The following SLC38A3 variants were observed in gnomAD, a reference collection of about 807,000 sequenced individuals.
The protein encoded by SLC38A3 is solute carrier family 38 member 3.
SLC38A3 carries 17 observed loss-of-function variants against 59.5 expected under a neutral mutation model. The observed-to-expected ratio is 0.29, with a 90% CI of 0.20 to 0.43. SLC38A3 has a LOEUF of 0.43. Among genes scored for constraint, SLC38A3 ranks in the 20% least tolerant of loss-of-function variants. SLC38A3 has a pLI of 1.00. For missense variants in SLC38A3, 454 were observed against 653.9 expected (o/e 0.69, Z 3.33); for synonymous variants, 238 against 260.3 (o/e 0.91, Z 0.82).
intron 1 of SLC38A3, among the ~76,000 whole-genome samples, chr3:50,213,192 T>C (rs1365892963): frequency 6.6e-6 from 1 of 152,140 alleles, no homozygotes; most frequent in Admixed American, 6.5e-5. Context: ...GAGACTGATC[T>C]GGTGACCCAG....
intron 1 of SLC38A3, among the ~76,000 whole-genome samples, chr3:50,208,873 A>G (rs186736917): frequency 1.3e-4 from 19 of 151,940 alleles, no homozygotes; most frequent in African/African-American, 4.6e-4. Flanking sequence ...GTCCCTGTCT[A>G]TCTCTCTTCC....
In SLC38A3 at chr3:50,215,676, C is replaced by G; in HGVS notation, c.466+40C>G. ...CAGGGGCAGGCAGTAGGGAGGTGGA[C>G]AGCCCTGAAAGCTGGCTGGTTGGGC... On this transcript the variant is annotated intron_variant, in intron 6 of 15. Coordinates refer to ENST00000614032, the MANE Select transcript of SLC38A3 (RefSeq NM_006841.6). The surrounding 1 kb of genome is among the most constrained non-coding windows in gnomAD (Gnocchi z 7.1). 6.2e-7 allele frequency: 1 copy of G among 1,611,282 alleles called. No individual in the cohort carries two copies. The highest frequency in any genetic ancestry group is 1.7e-4 in the Middle Eastern group (1 of 6,058).
At chr3:50,208,261 C>CT (rs11293008) in intron 1 of SLC38A3, among the ~76,000 whole-genome samples, 5,460 of 129,926 alleles carry the variant, frequency 0.042, 175 homozygotes, top group Non-Finnish European at 0.054. Context: ...AGCTTTCTCT[C>CT]TTTTTTTTTT....
In SLC38A3 at chr3:50,213,544, C is replaced by T. The variant is rs6779184; in HGVS notation, c.-51-605C>T. On this transcript the variant is annotated intron_variant, in intron 1 of 15. Coordinates refer to ENST00000614032, the MANE Select transcript of SLC38A3 (RefSeq NM_006841.6). ...GAGGGGGGACAGCCTCTGCGCCTGCCGTTCCCAGCGCCAGCTCTCAGCCCA... is the reference window on the plus strand; with the variant it reads ...GAGGGGGGACAGCCTCTGCGCCTGCTGTTCCCAGCGCCAGCTCTCAGCCCA... 4.0e-3 allele frequency among the ~76,000 whole-genome samples: 603 copies of T among 152,336 alleles called. 3 individuals are homozygous for T. The highest frequency in any genetic ancestry group is 0.014 in the African/African-American group (563 of 41,580).
Position 50,218,549 on chromosome 3 carries a change from C to A in SLC38A3, c.1037-44C>A. On this transcript the variant is annotated intron_variant, in intron 12 of 15. Coordinates refer to ENST00000614032, the MANE Select transcript of SLC38A3 (RefSeq NM_006841.6). This position sits in a 1 kb window ranked among gnomAD's most constrained non-coding sequence, Gnocchi z 5.8. Reference sequence around the variant, plus strand: ...CCCCTAGGCAGCTCAGATCCCACCTCCTTCCTGGGGCCACCTACTGACCAC... The same window carrying A: ...CCCCTAGGCAGCTCAGATCCCACCTACTTCCTGGGGCCACCTACTGACCAC... The A allele has an allele frequency of 6.3e-7, 1 of 1,599,998 alleles. No individual in the cohort carries two copies. Among genetic ancestry groups the A allele is most frequent in the Non-Finnish European group, 8.5e-7 (1 of 1,172,480 alleles).
chr3:50,215,167 A>T lies in SLC38A3; in HGVS notation c.300-219A>T, dbSNP rs1044904206. On this transcript the variant is annotated intron_variant, in intron 4 of 15. Coordinates refer to ENST00000614032, the MANE Select transcript of SLC38A3 (RefSeq NM_006841.6). This position sits in a 1 kb window ranked among gnomAD's most constrained non-coding sequence, Gnocchi z 7.1. ...GAGGGCAGTCACAGGGACACTCTTG[A>T]CCCAGAGGGCCCCTTCTGGGGTGTG... The T allele has an allele frequency of 3.4e-6, 2 of 590,084 alleles. No homozygotes were observed. The highest frequency in any genetic ancestry group is 6.0e-6 in the Non-Finnish European group (2 of 330,736). The allele number at this position is 590,084 out of a possible 1,614,324, so 36.6% of individuals were successfully genotyped here.
Position 50,217,312 on chromosome 3 carries a change from G to T in SLC38A3, c.623G>T (p.Arg208Leu). The change falls in exon 8 of 16, where the codon CGG (arginine) becomes CTG (leucine). Residue 208 changes from arginine to leucine, a missense_variant. Coordinates refer to ENST00000614032, the MANE Select transcript of SLC38A3 (RefSeq NM_006841.6). The surrounding 1 kb of genome is among the most constrained non-coding windows in gnomAD (Gnocchi z 4.9). ...ATCATTCTGCCCCTGGCACTGATGC[G>T]GCAGCTTGGTGAGTGTGGAAGGGTC... ...VTIILPLALMRQLGYLGYSSG... is the reference protein window; with the variant it reads ...VTIILPLALMLQLGYLGYSSG... 2 of 1,613,440 alleles carry T rather than the reference G, an allele frequency of 1.2e-6. No individual in the cohort carries two copies. The highest frequency in any genetic ancestry group is 1.7e-6 in the Non-Finnish European group (2 of 1,179,668).
At chr3:50,208,370 C>T (rs1240791438) in intron 1 of SLC38A3, among the ~76,000 whole-genome samples, 2 of 150,600 alleles carry the variant, frequency 1.3e-5, no homozygotes, top group African/African-American at 4.9e-5. Flanking sequence ...TCAAGCAGTT[C>T]TCCTGCCTCA....
rs945676460 is a variant in SLC38A3 at position 50,217,934 on chromosome 3, C to T, written c.873C>T (p.Pro291=). 6 of 1,613,950 alleles carry T rather than the reference C, an allele frequency of 3.7e-6. No individual in the cohort carries two copies. The highest frequency in any genetic ancestry group is 5.1e-6 in the Non-Finnish European group (6 of 1,179,914). The change falls in exon 11 of 16, where the codon CCC becomes CCT. Residue 291 remains proline, a synonymous_variant. Coordinates refer to ENST00000614032, the MANE Select transcript of SLC38A3 (RefSeq NM_006841.6). This position sits in a 1 kb window ranked among gnomAD's most constrained non-coding sequence, Gnocchi z 4.9. ...TTCCCCAGACAGCATACACCATCCC[C>T]ATCATGGCCTTCGCCTTCGTCTGCC... ...TLNSQTAYTI[P]IMAFAFVCHP... is the part of the protein sequence containing the mutation.
intron 1 of SLC38A3, among the ~76,000 whole-genome samples, chr3:50,213,381 G>A (rs973205580): frequency 6.6e-6 from 1 of 152,202 alleles, no homozygotes; most frequent in Non-Finnish European, 1.5e-5. Flanking sequence ...TGTGGAGGGT[G>A]AGGTGTGTGT....
Position 50,217,786 on chromosome 3 carries a change from C to A in SLC38A3, c.801C>A (p.Val267=). The part of the protein sequence containing the change: ...EIVKEKVQLQ[V]EPEASAFCTP... Reference sequence around the variant, plus strand: ...TGAAGGAGAAGGTGCAGCTGCAGGTCGAGCCTGAGGCTTCAGCCTTCTGCA... The same window carrying A: ...TGAAGGAGAAGGTGCAGCTGCAGGTAGAGCCTGAGGCTTCAGCCTTCTGCA... Residue 267 remains valine, a synonymous_variant, in exon 10 of 16, where the codon GTC becomes GTA. Transcript: ENST00000614032. The surrounding 1 kb of genome is among the most constrained non-coding windows in gnomAD (Gnocchi z 4.9). 1 of 1,614,012 alleles carries A rather than the reference C, an allele frequency of 6.2e-7. No homozygotes were observed. The highest frequency in any genetic ancestry group is 8.5e-7 in the Non-Finnish European group (1 of 1,179,886).
intron 14 of SLC38A3, 123 bp downstream of exon 14, chr3:50,219,071 C>G (rs1171119828): frequency 8.0e-7 from 1 of 1,252,158 alleles, no homozygotes; most frequent in Non-Finnish European, 1.1e-6. Context: ...CACAGTTTGG[C>G]CTTCCATCTG....
chr3:50,214,344 G>T lies in SLC38A3; in HGVS notation c.101+44G>T, dbSNP rs751845991. The stretch of plus-strand genomic sequence containing the variant: ...CAGTGGTGGCTGAAGACAGGGCAGG[G>T]CAGGGATACAGAGCAAAGGGCTGGA... On this transcript the variant is annotated intron_variant, in intron 2 of 15. Coordinates refer to ENST00000614032, the MANE Select transcript of SLC38A3 (RefSeq NM_006841.6). This position sits in a 1 kb window ranked among gnomAD's most constrained non-coding sequence, Gnocchi z 6.0. The T allele has an allele frequency of 6.2e-7, 1 of 1,609,884 alleles. No homozygotes were observed. The highest frequency in any genetic ancestry group is 1.1e-5 in the South Asian group (1 of 90,458).
chr3:50,220,224 A>G lies in SLC38A3; in HGVS notation c.*47A>G. On this transcript the variant is annotated 3_prime_UTR_variant, in exon 16 of 16. Transcript: ENST00000614032. The stretch of plus-strand genomic sequence containing the variant: ...TCTACTCACCCTAGCAGCCCTGCCC[A>G]GACTCTTCAGCCCCTGCTCCCATCC... The G allele has an allele frequency of 7.0e-7, 1 of 1,419,480 alleles. No individual in the cohort carries two copies. Among genetic ancestry groups the G allele is most frequent in the South Asian group, 1.2e-5 (1 of 81,646 alleles). 87.9% of individuals were successfully genotyped at this position (1,419,480 alleles called of 1,614,324 possible).
chr3:50,210,721 C>T lies in SLC38A3; in HGVS notation c.-51-3428C>T, dbSNP rs527581508. 5.3e-5 allele frequency among the ~76,000 whole-genome samples: 8 copies of T among 152,340 alleles called. No homozygotes were observed. In the South Asian group the frequency reaches 1.7e-3, roughly 32 times the overall value. ...ACCAGGTGATGTTCGCGTGGGCGGG[C>T]GTTACCTGCTGCGCCATCCCTGTGG... On this transcript the variant is annotated intron_variant, in intron 1 of 15. Coordinates refer to ENST00000614032, the MANE Select transcript of SLC38A3 (RefSeq NM_006841.6).
At position 50,214,162 on chromosome 3, in the gene SLC38A3, G is replaced by A. The variant is rs759169234; in HGVS notation, c.-38G>A. 3.8e-6 allele frequency: 6 copies of A among 1,584,536 alleles called. No individual in the cohort carries two copies. In the East Asian group the frequency reaches 1.1e-4, roughly 30 times the overall value. On this transcript the variant is annotated 5_prime_UTR_variant, in exon 2 of 16. Coordinates refer to ENST00000614032, the MANE Select transcript of SLC38A3 (RefSeq NM_006841.6). The surrounding 1 kb of genome is among the most constrained non-coding windows in gnomAD (Gnocchi z 6.0). The stretch of plus-strand genomic sequence containing the variant: ...GCTGCTCTGCAGACATCTGACTGTT[G>A]GTGTGAGACCAGTGCTCCTGGTGGT...
At chr3:50,207,114 T>C (rs2109147867) in intron 1 of SLC38A3, among the ~76,000 whole-genome samples, 1 of 152,110 alleles carries the variant, frequency 6.6e-6, no homozygotes, top group East Asian at 1.9e-4. Flanking sequence ...GGGAGTGGTG[T>C]GGGGTGGGCC....
Position 50,217,918 on chromosome 3 carries a change from C to G in SLC38A3, c.857C>G (p.Thr286Arg). ...TGACACAGCCCCGTGTTTCCCCAGA[C>G]AGCATACACCATCCCCATCATGGCC... ...TPSYFTLNSQ[T>R]AYTIPIMAFA... Residue 286 changes from threonine to arginine, a missense_variant and splice_region_variant, in exon 11 of 16, where the codon ACA becomes AGA. Thr to Arg is a moderately conservative substitution (Grantham distance 71, BLOSUM62 -1). This residue lies in a region of SLC38A3 where 390 missense variants were observed against 557.9 expected (regional missense o/e 0.70). Transcript: ENST00000614032. This position sits in a 1 kb window ranked among gnomAD's most constrained non-coding sequence, Gnocchi z 4.9. The G allele has an allele frequency of 1.2e-6, 2 of 1,614,028 alleles. No homozygotes were observed. The highest frequency in any genetic ancestry group is 1.7e-6 in the Non-Finnish European group (2 of 1,179,900).
intron 7 of SLC38A3, among the ~76,000 whole-genome samples, chr3:50,216,917 C>T (rs965262111): frequency 2.0e-5 from 3 of 152,154 alleles, no homozygotes; most frequent in East Asian, 1.9e-4. Context: ...AGATTATAGG[C>T]GTGTGCCACC....
Sources: allele counts gnomAD v4.1 joint callset (sites outside exome capture counted in the v4.1 genomes callset), GRCh38; gene constraint gnomAD v4.1.1; regional missense constraint gnomAD v4.1.1; non-coding constraint Gnocchi (gnomAD v3.1); transcripts MANE v1.5; gene names NCBI Gene and HGNC (gene_info 2026-07-23, HGNC 2026-07-21).